The following DENND2A variants were observed in gnomAD, a reference collection of about 807,000 sequenced individuals.
The protein encoded by DENND2A is DENN domain-containing protein 2A.
A neutral mutation model predicts 105.3 loss-of-function variants in DENND2A; 53 were observed. The ratio of observed to expected loss-of-function variants is 0.50; its 90% CI spans 0.40 to 0.63. The LOEUF is 0.63. Among genes scored for constraint, DENND2A ranks in the 30% least tolerant of loss-of-function variants. The probability of loss-of-function intolerance (pLI) is 0.00; values close to 1 mark genes in which losing one functional copy is unlikely to be tolerated. For missense variants in DENND2A, 1,138 were observed against 1,279.6 expected, an observed-to-expected ratio of 0.89 and a Z score of 1.69; for synonymous variants, 522 against 508.4, an observed-to-expected ratio of 1.03 and a Z score of -0.36.
rs183988188 is a variant in DENND2A, at chr7:140,627,072, C to T, written c.-248+13432G>A. Among the ~76,000 whole-genome samples, 307 of 152,310 alleles carry T rather than the reference C, an allele frequency of 2.0e-3. 1 individual carries two copies. Among genetic ancestry groups the T allele is most frequent in the African/African-American group, 7.0e-3 (292 of 41,566 alleles). Reference sequence around the variant, plus strand: ...ATTAGATGAAATTGCACCTGTAAAACATTCAGCACAGTGCATAGCCCAGAA... The same window carrying T: ...ATTAGATGAAATTGCACCTGTAAAATATTCAGCACAGTGCATAGCCCAGAA... On this transcript the variant is annotated intron_variant, in intron 1 of 19. Coordinates refer to ENST00000496613, the MANE Select transcript of DENND2A (RefSeq NM_015689.5).
intron 9 of DENND2A, among the ~76,000 whole-genome samples, chr7:140,566,417 T>G (rs563648011): frequency 4.9e-4 from 75 of 152,232 alleles, no homozygotes; most frequent in Middle Eastern, 3.4e-3. Flanking sequence ...AAGAACCCTC[T>G]CTAGAGGTCT....
Position 140,559,685 on chromosome 7 carries a change from G to T in DENND2A, c.1889+23C>A. 1 of 1,579,344 alleles carries T rather than the reference G, an allele frequency of 6.3e-7. No individual in the cohort carries two copies. The highest frequency in any genetic ancestry group is 8.7e-7 in the Non-Finnish European group (1 of 1,148,870). On this transcript the variant is annotated intron_variant, in intron 10 of 19. Coordinates refer to ENST00000496613, the MANE Select transcript of DENND2A (RefSeq NM_015689.5). This position sits in a 1 kb window ranked among gnomAD's most constrained non-coding sequence, Gnocchi z 4.1. The stretch of plus-strand genomic sequence containing the variant: ...GTCTCGCCTTAGTCTTTGGGGCTGC[G>T]AAGGGGAGAAGCCAGCTCGTACCTG...
At chr7:140,635,481 G>A (rs1201423940) in intron 1 of DENND2A, among the ~76,000 whole-genome samples, 2 of 152,126 alleles carry the variant, frequency 1.3e-5, no homozygotes, top group East Asian at 1.9e-4. Flanking sequence ...TGGGGATCCC[G>A]GGAGGAGGGG....
rs73500495 is a variant in DENND2A, at chr7:140,611,018, C to T, written c.-247-5212G>A. ...TGGCCTGAGGCCTGGCCTCTCGGAC[C>T]GCTGCTTCTGATAACAGAGCACTGT... On this transcript the variant is annotated intron_variant, in intron 1 of 19. Transcript: ENST00000496613. Among the ~76,000 whole-genome samples, 158 of 152,262 alleles carry T rather than the reference C, an allele frequency of 1.0e-3. 1 individual carries two copies. The highest frequency in any genetic ancestry group is 3.3e-3 in the African/African-American group (137 of 41,550).
intron 9 of DENND2A, among the ~76,000 whole-genome samples, chr7:140,562,158 G>T (rs1797642859): frequency 6.6e-6 from 1 of 151,986 alleles, no homozygotes; most frequent in African/African-American, 2.4e-5. Flanking sequence ...AAAGTGTTGG[G>T]ATTACAGGCG....
At chr7:140,528,831 G>T (rs1796154196) in intron 14 of DENND2A, among the ~76,000 whole-genome samples, 1 of 151,428 alleles carries the variant, frequency 6.6e-6, no homozygotes, top group Non-Finnish European at 1.5e-5. Flanking sequence ...TAATAACATT[G>T]GGAGAGGCCA....
chr7:140,523,397 G>T lies in DENND2A; in HGVS notation c.2575C>A (p.Arg859=). 6.2e-7 allele frequency: 1 copy of T among 1,614,136 alleles called. No homozygotes were observed. The highest frequency in any genetic ancestry group is 8.5e-7 in the Non-Finnish European group (1 of 1,180,030). Residue 859 remains arginine (R), a synonymous_variant, in exon 17 of 20, where the codon CGG becomes AGG. Coordinates refer to ENST00000496613, the MANE Select transcript of DENND2A (RefSeq NM_015689.5). This position sits in a 1 kb window ranked among gnomAD's most constrained non-coding sequence, Gnocchi z 4.5. ...QMDDEDSILP[R]KLQVALEHIL... ...TGTTCCAGGGCCACCTGAAGCTTCC[G>T]GGGCAGGATGGAGTCCTCATCGTCC...
intron 5 of DENND2A, among the ~76,000 whole-genome samples, chr7:140,584,727 A>G (rs1489339614): frequency 6.6e-6 from 1 of 152,210 alleles, no homozygotes; most frequent in Non-Finnish European, 1.5e-5. Context: ...ATGCTTGGGT[A>G]TCCGCACAGA....
chr7:140,580,174 C>T (rs753390755), intron 5 of DENND2A, among the ~76,000 whole-genome samples: 1 of 151,980 alleles, frequency 6.6e-6, no homozygotes, highest in Non-Finnish European at 1.5e-5. Flanking sequence ...GTAAAATTCC[C>T]CAATTGTGGA....
At chr7:140,550,984 C>G (rs973810770) in intron 12 of DENND2A, among the ~76,000 whole-genome samples, 1 of 151,582 alleles carries the variant, frequency 6.6e-6, no homozygotes, top group Non-Finnish European at 1.5e-5. Flanking sequence ...CCTGAAAAGG[C>G]TGCTTAGGGG....
chr7:140,607,788 C>T (rs567772433), intron 1 of DENND2A, among the ~76,000 whole-genome samples: 11 of 152,338 alleles, frequency 7.2e-5, no homozygotes, highest in South Asian at 2.1e-4. Context: ...CCACCCTCCA[C>T]ACAGACCAAA....
intron 1 of DENND2A, among the ~76,000 whole-genome samples, chr7:140,633,965 C>T (rs1800827146): frequency 6.6e-6 from 1 of 151,958 alleles, no homozygotes; most frequent in Non-Finnish European, 1.5e-5. Flanking sequence ...AAGATAAATT[C>T]CTAAAAATGG....
chr7:140,550,343 C>A (rs1245212890), intron 12 of DENND2A, among the ~76,000 whole-genome samples: 1 of 151,342 alleles, frequency 6.6e-6, no homozygotes, highest in Non-Finnish European at 1.5e-5. Flanking sequence ...CGGACGCCCA[C>A]CACCACACTC....
chr7:140,633,312 G>A (rs928684674), intron 1 of DENND2A, among the ~76,000 whole-genome samples: 18 of 152,282 alleles, frequency 1.2e-4, no homozygotes, highest in African/African-American at 4.1e-4. Flanking sequence ...ACAGGCGTGA[G>A]CCACCGTGCC....
chr7:140,564,419 A>T (rs1429670773), intron 9 of DENND2A, among the ~76,000 whole-genome samples: 2 of 152,180 alleles, frequency 1.3e-5, no homozygotes, highest in Non-Finnish European at 2.9e-5. Context: ...TTGAAAAATG[A>T]TGTTTTAGAA....
At chr7:140,535,007 G>A (rs1200659895) in intron 14 of DENND2A, among the ~76,000 whole-genome samples, 2 of 152,132 alleles carry the variant, frequency 1.3e-5, no homozygotes, top group African/African-American at 4.8e-5. Flanking sequence ...GCACTTGTAA[G>A]GAATGCCAAA....
chr7:140,634,794 G>C (rs181090761), intron 1 of DENND2A, among the ~76,000 whole-genome samples: 105 of 151,836 alleles, frequency 6.9e-4, no homozygotes, highest in African/African-American at 2.3e-3. Context: ...ATTGCTTGAA[G>C]CTGAGAGGCA....
intron 14 of DENND2A, 51 bp downstream of exon 14, chr7:140,544,567 C>T (rs1796815222): frequency 1.2e-6 from 2 of 1,612,038 alleles, no homozygotes; most frequent in African/African-American, 2.7e-5. Flanking sequence ...CTAGAGGGTC[C>T]AAGAGCGACT....
chr7:140,627,300 C>T (rs1800568917), intron 1 of DENND2A, among the ~76,000 whole-genome samples: 1 of 152,018 alleles, frequency 6.6e-6, no homozygotes, highest in African/African-American at 2.4e-5. Flanking sequence ...CAACCTCCAC[C>T]TCCAGAGTTC....
Sources: gnomAD v4.1 joint callset for allele counts (sites outside exome capture counted in the v4.1 genomes callset) on GRCh38, gnomAD v4.1.1 for gene constraint, Gnocchi (gnomAD v3.1) non-coding constraint, MANE v1.5 for transcripts, NCBI Gene and HGNC (gene_info 2026-07-23, HGNC 2026-07-21) for gene names.